The following TGM2 variants were observed in gnomAD, a reference collection of about 807,000 sequenced individuals.
TGM2 encodes protein-glutamine gamma-glutamyltransferase 2.
TGM2 carries 53 observed loss-of-function variants against 75.6 expected under a neutral mutation model. That is an observed-to-expected ratio of 0.70 (90% CI 0.56 to 0.88). The LOEUF (loss-of-function observed/expected upper bound fraction) is 0.88, where lower values mean the gene tolerates loss of function less well. Among genes scored for constraint, TGM2 ranks in the 40% least tolerant of loss-of-function variants. TGM2 has a pLI of 0.00. For missense variants in TGM2, 842 were observed against 928.5 expected, an observed-to-expected ratio of 0.91 and a Z score of 1.21; for synonymous variants, 374 against 381.1, an observed-to-expected ratio of 0.98 and a Z score of 0.22.
At chr20:38,148,180 A>G (rs1261998267) in intron 4 of TGM2, 91 bp from the exon 5 acceptor site, 2 of 1,544,602 alleles carry the variant, frequency 1.3e-6, no homozygotes, top group African/African-American at 1.4e-5. Context: ...GCTGTTTCCC[A>G]CTCTGTCCCA....
At chr20:38,139,274 A>G in intron 9 of TGM2, 138 bp downstream of exon 9, 2 of 1,236,256 alleles carry the variant, frequency 1.6e-6, no homozygotes, top group Admixed American at 3.9e-5. Flanking sequence ...ATTGCTGAAG[A>G]TGGAGTATAG....
chr20:38,153,338 A>G (rs1191324704), intron 3 of TGM2, among the ~76,000 whole-genome samples: 1 of 152,086 alleles, frequency 6.6e-6, no homozygotes, highest in Non-Finnish European at 1.5e-5. Context: ...CAGCCTGGCC[A>G]ACATGGTGAA....
At chr20:38,136,235 T>C (rs1406697815) in intron 10 of TGM2, among the ~76,000 whole-genome samples, 2 of 152,150 alleles carry the variant, frequency 1.3e-5, no homozygotes, top group Non-Finnish European at 2.9e-5. Flanking sequence ...CTGTCAACAC[T>C]GCAGACGCCC....
At chr20:38,157,533 G>A (rs1003405746) in intron 2 of TGM2, among the ~76,000 whole-genome samples, 1 of 152,230 alleles carries the variant, frequency 6.6e-6, no homozygotes, top group East Asian at 1.9e-4. Flanking sequence ...GCCTGGGAGA[G>A]TCCAATCTCA....
At chr20:38,153,866 G>A (rs2075149018) in intron 3 of TGM2, among the ~76,000 whole-genome samples, 1 of 152,134 alleles carries the variant, frequency 6.6e-6, no homozygotes, top group African/African-American at 2.4e-5. Flanking sequence ...ACCCAGGCTG[G>A]AGTGCAGTGG....
intron 6 of TGM2, chr20:38,145,309 A>G (rs1205206533): frequency 6.6e-6 from 1 of 152,234 alleles, no homozygotes; most frequent in Non-Finnish European, 1.5e-5. Flanking sequence ...CCAGCCTTTT[A>G]GATTGAGCCT....
At chr20:38,136,328 C>T (rs1052993616) in intron 10 of TGM2, among the ~76,000 whole-genome samples, 5 of 152,210 alleles carry the variant, frequency 3.3e-5, no homozygotes, top group Non-Finnish European at 5.9e-5. Context: ...GGTCCAGGCA[C>T]TGTCATAGAG....
chr20:38,156,900 G>A (rs1200504587), intron 2 of TGM2, among the ~76,000 whole-genome samples: 1 of 152,138 alleles, frequency 6.6e-6, no homozygotes, highest in Non-Finnish European at 1.5e-5. Context: ...TGTCTTCTAC[G>A]GTGCCTCTTC....
chr20:38,136,556 G>A (rs1427082766), intron 10 of TGM2, among the ~76,000 whole-genome samples: 2 of 152,186 alleles, frequency 1.3e-5, no homozygotes, highest in East Asian at 1.9e-4. Flanking sequence ...TGATGGGGAC[G>A]CTAAGGTGCA....
At chr20:38,154,895 C>T (rs1294724542) in intron 3 of TGM2, among the ~76,000 whole-genome samples, 2 of 152,182 alleles carry the variant, frequency 1.3e-5, no homozygotes, top group Admixed American at 6.5e-5. Flanking sequence ...CACCTGAGGA[C>T]GGTAGCTCGG....
intron 4 of TGM2, among the ~76,000 whole-genome samples, chr20:38,149,546 G>A (rs376715579): frequency 2.0e-5 from 3 of 152,008 alleles, no homozygotes; most frequent in African/African-American, 7.3e-5. Context: ...GGGTGTGGTG[G>A]TGGGCGTCTG....
chr20:38,137,116 T>G (rs895658831), intron 10 of TGM2, among the ~76,000 whole-genome samples: 3 of 152,188 alleles, frequency 2.0e-5, no homozygotes, highest in Non-Finnish European at 4.4e-5. Context: ...GCTCCCACCT[T>G]TGGCTCGCCG....
chr20:38,139,213 G>A (rs1254352132), intron 9 of TGM2, among the ~76,000 whole-genome samples, 199 bp downstream of exon 9: 1 of 152,156 alleles, frequency 6.6e-6, no homozygotes, highest in Non-Finnish European at 1.5e-5. Flanking sequence ...TTCCCTAAAT[G>A]AATAATCCTC....
intron 4 of TGM2, among the ~76,000 whole-genome samples, chr20:38,149,413 C>G (rs1174017696): frequency 6.6e-6 from 1 of 152,132 alleles, no homozygotes; most frequent in Non-Finnish European, 1.5e-5. Context: ...CGCGGTGGCT[C>G]ACGCCTGTAA....
intron 10 of TGM2, among the ~76,000 whole-genome samples, chr20:38,134,618 T>G (rs1268005306): frequency 2.0e-5 from 3 of 152,262 alleles, no homozygotes; most frequent in Non-Finnish European, 2.9e-5. Flanking sequence ...CAATTTGCCC[T>G]GTTCTAGAAG....
Position 38,155,978 on chromosome 20 carries a change from G to A in TGM2, c.302C>T (p.Ser101Leu), listed in dbSNP as rs540320021. The stretch of plus-strand genomic sequence containing the variant: ...GTTGGCCGGGGTGGTGAGCTGCAGC[G>A]AGAGGGTGCAGTCTTGCTGGTCCAC... ...TVVDQQDCTL[S>L]LQLTTPANAP... Residue 101 changes from serine (S) to leucine (L), a missense_variant, in exon 3 of 13, where the codon TCG (serine) becomes TTG (leucine). Transcript: ENST00000361475. The A allele has an allele frequency of 1.9e-6, 3 of 1,613,462 alleles. No homozygotes were observed. The highest frequency in any genetic ancestry group is 1.3e-5 in the African/African-American group (1 of 75,074).
rs1328918183 is a variant in TGM2, at chr20:38,132,391, G to GTAGC, written c.1721_1724dup (p.Tyr575Ter). 2.5e-6 allele frequency: 4 copies of GTAGC among 1,614,058 alleles called. No homozygotes were observed. The highest frequency in any genetic ancestry group is 3.4e-6 in the Non-Finnish European group (4 of 1,180,034). On this transcript the variant is annotated stop_gained and frameshift_variant, in exon 11 of 13. Coordinates refer to ENST00000361475, the MANE Select transcript of TGM2 (RefSeq NM_004613.4). LOFTEE classifies it high-confidence loss of function. ...GGTAGAGGTCCCTCTCAGCCAGCAGGTAGCTGTTGATAACTGGCTCCACGA... is the reference window on the plus strand; with the variant it reads ...GGTAGAGGTCCCTCTCAGCCAGCAGGTAGCTAGCTGTTGATAACTGGCTCCACGA...
intron 3 of TGM2, among the ~76,000 whole-genome samples, chr20:38,154,878 G>A (rs1047583253): frequency 1.3e-5 from 2 of 152,192 alleles, no homozygotes; most frequent in Non-Finnish European, 2.9e-5. Context: ...GGCCGAGGCG[G>A]GTGGATCACC....
chr20:38,166,035 A>G (rs2075307175), upstream of TGM2, among the ~76,000 whole-genome samples: 1 of 53,352 alleles, frequency 1.9e-5, no homozygotes, highest in Admixed American at 1.8e-4. Flanking sequence ...GCAAAATCAG[A>G]GAGGGCACCC....
Sources: allele counts gnomAD v4.1 joint callset (sites outside exome capture counted in the v4.1 genomes callset), GRCh38; gene constraint gnomAD v4.1.1; transcripts MANE v1.5; gene names NCBI Gene and HGNC (gene_info 2026-07-23, HGNC 2026-07-21).